The following POF1B variants were observed in gnomAD, a reference collection of about 807,000 sequenced individuals.
POF1B encodes protein POF1B.
Under a neutral mutation model 55.3 loss-of-function variants are expected in POF1B, and 53 were observed. The ratio of observed to expected loss-of-function variants is 0.96; its 90% CI spans 0.77 to 1.20. The LOEUF is 1.20. Among genes scored for constraint, POF1B ranks in the 50% most tolerant of loss-of-function variants. The pLI, the probability that POF1B is intolerant of heterozygous loss-of-function variation, is 0.00. For missense variants in POF1B, 478 were observed against 420.5 expected, an observed-to-expected ratio of 1.14 and a Z score of -1.20; for synonymous variants, 188 against 148.3, an observed-to-expected ratio of 1.27 and a Z score of -1.95.
intron 2 of POF1B, among the ~76,000 whole-genome samples, chrX:85,369,398 T>C (rs753886919): frequency 2.7e-5 from 3 of 111,327 alleles, no homozygotes; most frequent in Non-Finnish European, 5.7e-5. Flanking sequence ...ACATTCTTAA[T>C]ATAAACATTT....
intron 6 of POF1B, among the ~76,000 whole-genome samples, chrX:85,339,920 T>C (rs1324811698): frequency 9.0e-6 from 1 of 111,091 alleles, no homozygotes; most frequent in East Asian, 2.9e-4. Context: ...TAAAGTAGCA[T>C]TGGGATAACC....
chrX:85,315,737 G>A lies in POF1B; in HGVS notation c.855-3C>T. 8.5e-7 allele frequency: 1 copy of A among 1,171,160 alleles called. No homozygotes were observed. The highest frequency in any genetic ancestry group is 1.1e-6 in the Non-Finnish European group (1 of 876,782). Reference sequence around the variant, plus strand: ...CTGTAGACTCAAAGTCCTGTTTGCTGCAAGAACAAAAAAAAAGATACACAA... The same window carrying A: ...CTGTAGACTCAAAGTCCTGTTTGCTACAAGAACAAAAAAAAAGATACACAA... On this transcript the variant is annotated splice_region_variant and splice_polypyrimidine_tract_variant and intron_variant, in intron 7 of 16. Coordinates refer to ENST00000262753, the MANE Select transcript of POF1B (RefSeq NM_024921.4).
In POF1B at chrX:85,339,495, T is replaced by C. The variant is rs777042370; in HGVS notation, c.723+6365A>G. ...GTATAGTATAATGGAAAGAAAGATA[T>C]CAAGAATAGAATAGATTAGCAGTGC... On this transcript the variant is annotated intron_variant, in intron 6 of 16. Coordinates refer to ENST00000262753, the MANE Select transcript of POF1B (RefSeq NM_024921.4). 2.7e-5 allele frequency among the ~76,000 whole-genome samples: 3 copies of C among 110,983 alleles called. No homozygotes were observed. The South Asian group carries it at 1.1e-3, about 42-fold the overall frequency.
At chrX:85,295,373 C>T (rs1378865811) in intron 15 of POF1B, among the ~76,000 whole-genome samples, 1 of 111,447 alleles carries the variant, frequency 9.0e-6, no homozygotes, top group Non-Finnish European at 1.9e-5. Context: ...TGTAAACTTC[C>T]TCTTAACACT....
At chrX:85,346,474 C>G (rs759559833) in intron 5 of POF1B, among the ~76,000 whole-genome samples, 1 of 109,865 alleles carries the variant, frequency 9.1e-6, no homozygotes, top group South Asian at 3.9e-4. Flanking sequence ...TGTCAGGAAG[C>G]ATATTAGAAT....
intron 7 of POF1B, among the ~76,000 whole-genome samples, chrX:85,320,354 C>A (rs969708326): frequency 9.1e-6 from 1 of 110,097 alleles, no homozygotes; most frequent in East Asian, 2.9e-4. Flanking sequence ...GGGTACATAA[C>A]GAAATGAAGG....
intron 7 of POF1B, among the ~76,000 whole-genome samples, chrX:85,325,353 A>C (rs1262353379): frequency 1.8e-5 from 2 of 111,112 alleles, no homozygotes; most frequent in African/African-American, 6.6e-5. Flanking sequence ...AAAATCCCTT[A>C]TTTCTCAGAT....
intron 7 of POF1B, among the ~76,000 whole-genome samples, chrX:85,320,393 C>T (rs190872860): frequency 6.3e-5 from 7 of 110,324 alleles, no homozygotes; most frequent in East Asian, 5.7e-4. Context: ...TTGAAACCAA[C>T]GAGAACAAAG....
intron 6 of POF1B, among the ~76,000 whole-genome samples, chrX:85,339,218 C>T (rs951210426): frequency 3.6e-5 from 4 of 110,317 alleles, no homozygotes; most frequent in Non-Finnish European, 5.7e-5. Flanking sequence ...AGAGCTTGTG[C>T]GGGGAAACTC....
intron 6 of POF1B, among the ~76,000 whole-genome samples, chrX:85,342,057 G>A (rs1167339408): frequency 1.8e-5 from 2 of 111,095 alleles, no homozygotes; most frequent in Non-Finnish European, 3.8e-5. Flanking sequence ...AATGACTTCA[G>A]CTGAGCTGTT....
At chrX:85,280,811 C>T (rs940142346) in intron 16 of POF1B, among the ~76,000 whole-genome samples, 15 of 110,881 alleles carry the variant, frequency 1.4e-4, no homozygotes, top group African/African-American at 4.9e-4. Flanking sequence ...TCTCTTGCAC[C>T]AGTGTAGGAG....
intron 8 of POF1B, 93 bp downstream of exon 8, chrX:85,315,614 A>C: frequency 1.3e-6 from 1 of 787,464 alleles, no homozygotes. Flanking sequence ...TCAGTCTAGT[A>C]AGGTACTTAA....
intron 15 of POF1B, among the ~76,000 whole-genome samples, chrX:85,291,595 C>T (rs1020325352): frequency 1.5e-4 from 17 of 111,628 alleles, no homozygotes; most frequent in African/African-American, 5.5e-4. Context: ...TTCTTTGTGT[C>T]ATCTCTGATT....
chrX:85,324,422 A>G (rs1287656105), intron 7 of POF1B, among the ~76,000 whole-genome samples: 1 of 111,172 alleles, frequency 9.0e-6, no homozygotes, highest in African/African-American at 3.3e-5. Flanking sequence ...ATATGTATGT[A>G]GGATTGTTAG....
In POF1B at chrX:85,379,206, G is replaced by A. The variant is rs761864898; in HGVS notation, c.249C>T (p.Ser83=). 4 of 1,211,245 alleles carry A rather than the reference G, an allele frequency of 3.3e-6. No individual in the cohort carries two copies. The highest frequency in any genetic ancestry group is 3.0e-5 in the East Asian group (1 of 33,799). ...EVLSPLKTTS[S]YQNLVWSDHS... ...GGTCGCTCCAAACCAAATTTTGGTA[G>A]GAGGAGGTGGTTTTGAGAGGGGAGA... Residue 83 remains serine (S), a synonymous_variant, in exon 2 of 17, where the codon TCC becomes TCT. Transcript: ENST00000262753.
chrX:85,379,300 ACTCG>A lies in POF1B; in HGVS notation c.151_154del (p.Arg51Ter). The A allele has an allele frequency of 8.3e-7, 1 of 1,209,827 alleles. No homozygotes were observed. Among genetic ancestry groups the A allele is most frequent in the African/African-American group, 1.7e-5 (1 of 57,219 alleles). On this transcript the variant is annotated frameshift_variant, in exon 2 of 17. Coordinates refer to ENST00000262753, the MANE Select transcript of POF1B (RefSeq NM_024921.4). LOFTEE classifies it high-confidence loss of function. ...GTTCATGGGCCCACTGTAGGTCCTC[ACTCG>A]CTCATACACTACATTTTTTTCTGGA...
intron 15 of POF1B, among the ~76,000 whole-genome samples, chrX:85,291,765 T>C (rs1932192865): frequency 9.0e-6 from 1 of 111,208 alleles, no homozygotes; most frequent in South Asian, 3.8e-4. Flanking sequence ...TTTTGCATAT[T>C]GATTTTGTAT....
At position 85,304,311 on chromosome X, in the gene POF1B, C is replaced by G. The variant is rs371543900; in HGVS notation, c.1566+32G>C. ...AGTACTACAGTACTAAGTTGTATTA[C>G]TTTTCTCCATCCCCACCCCTTCCTT... On this transcript the variant is annotated intron_variant, in intron 14 of 16. Transcript: ENST00000262753. 39 of 1,126,077 alleles carry G rather than the reference C, an allele frequency of 3.5e-5. No homozygotes were observed. The African/African-American group carries it at 6.5e-4, about 19-fold the overall frequency. 92.8% of individuals were successfully genotyped at this position (1,126,077 alleles called of 1,213,427 possible).
intron 3 of POF1B, among the ~76,000 whole-genome samples, chrX:85,366,633 C>T (rs1933728387): frequency 9.0e-6 from 1 of 111,485 alleles, no homozygotes; most frequent in African/African-American, 3.3e-5. Context: ...GTGAATCAAT[C>T]TCACTTTGTT....
Sources: allele counts gnomAD v4.1 joint callset (sites outside exome capture counted in the v4.1 genomes callset), GRCh38; gene constraint gnomAD v4.1.1; transcripts MANE v1.5; gene names NCBI Gene and HGNC (gene_info 2026-07-23, HGNC 2026-07-21).